The following SAMD12 variants were observed in gnomAD, a reference collection of about 807,000 sequenced individuals.
The protein encoded by SAMD12 is sterile alpha motif domain containing 12.
SAMD12 carries 9 observed loss-of-function variants against 15.0 expected under a neutral mutation model. The ratio of observed to expected loss-of-function variants is 0.60; its 90% CI spans 0.36 to 1.05. The LOEUF is 1.05. SAMD12 is among the 50% of genes least tolerant of loss of function. The pLI, the probability that SAMD12 is intolerant of heterozygous loss-of-function variation, is 0.01. For missense variants in SAMD12, 230 were observed against 234.2 expected (o/e 0.98, Z 0.12); for synonymous variants, 86 against 90.1 (o/e 0.96, Z 0.25).
At chr8:118,225,628 T>C (rs567281517) in intron 4 of SAMD12, among the ~76,000 whole-genome samples, 47 of 152,314 alleles carry the variant, frequency 3.1e-4, no homozygotes, top group South Asian at 8.3e-4. Flanking sequence ...CAAAAGAGCA[T>C]GTTAAGCGAT....
At chr8:118,143,285 A>G in the SAMD12 span, among the ~76,000 whole-genome samples, 1 of 152,206 alleles carries the variant, frequency 6.6e-6, no homozygotes, top group Non-Finnish European at 1.5e-5. Context: ...AATTAGTTAT[A>G]TAGGACCCCA....
At chr8:118,287,234 C>T (rs1357692176) in intron 4 of SAMD12, among the ~76,000 whole-genome samples, 1 of 151,624 alleles carries the variant, frequency 6.6e-6, no homozygotes, top group Non-Finnish European at 1.5e-5. Context: ...AGGCCATTCT[C>T]CTGCCTCAGC....
rs964435818 is a variant in SAMD12 at position 118,434,924 on chromosome 8, A to C, written c.322+4908T>G. Among the ~76,000 whole-genome samples, 14 of 43,526 alleles carry C rather than the reference A, an allele frequency of 3.2e-4. 4 individuals carry two copies. Among genetic ancestry groups the C allele is most frequent in the Non-Finnish European group, 5.5e-4 (9 of 16,288 alleles). 28.6% of individuals were successfully genotyped at this position (43,526 alleles called of 152,430 possible). On this transcript the variant is annotated intron_variant, in intron 3 of 3. Coordinates refer to ENST00000314727, the MANE Select transcript of SAMD12 (RefSeq NM_207506.3). ...GACCATCCCGGCTAAAAAAACGGTG[A>C]AACCCCGTCTCTACTAAAAATACAA...
At position 118,533,359 on chromosome 8, in the gene SAMD12, A is replaced by T. The variant is rs1202208149; in HGVS notation, c.192+47356T>A. Among the ~76,000 whole-genome samples the T allele has an allele frequency of 2.0e-5, 3 of 152,234 alleles. No individual in the cohort carries two copies. The South Asian group carries it at 6.2e-4, about 32-fold the overall frequency. ...TTTGCTGAGCAGTGCTTTACTTCCA[A>T]CTATGTGGTCAATTTTGGAATAAGT... On this transcript the variant is annotated intron_variant, in intron 2 of 3. Coordinates refer to ENST00000314727, the MANE Select transcript of SAMD12 (RefSeq NM_207506.3).
intron 4 of SAMD12, among the ~76,000 whole-genome samples, chr8:118,339,938 C>T (rs531003336): frequency 1.7e-4 from 26 of 152,222 alleles, no homozygotes; most frequent in Non-Finnish European, 3.2e-4. Context: ...GCGGCATGAC[C>T]GGCATTTAAT....
intron 3 of SAMD12, among the ~76,000 whole-genome samples, chr8:118,424,744 T>C (rs117779397): frequency 6.6e-6 from 1 of 152,278 alleles, no homozygotes; most frequent in Non-Finnish European, 1.5e-5. Flanking sequence ...CCTACATGTG[T>C]GGACTTCAGT....
intron 4 of SAMD12, among the ~76,000 whole-genome samples, chr8:118,333,204 AG>A (rs1342624702): frequency 4.6e-5 from 7 of 152,202 alleles, no homozygotes; most frequent in African/African-American, 1.7e-4. Context: ...TGTCTGCCAG[AG>A]GCTTGTTCCT....
rs145609886 is a variant in SAMD12, at chr8:118,485,419, T to C, written c.193-45458A>G. Among the ~76,000 whole-genome samples, 40 of 152,294 alleles carry C rather than the reference T, an allele frequency of 2.6e-4. No homozygotes were observed. In the East Asian group the frequency reaches 7.3e-3, roughly 28 times the overall value. On this transcript the variant is annotated intron_variant, in intron 2 of 3. Transcript: ENST00000314727. ...ACTGGATGGTGAGAGAAGGCAGAGATGATAAAGAAACAAGAACACAATTTT... is the reference window on the plus strand; with the variant it reads ...ACTGGATGGTGAGAGAAGGCAGAGACGATAAAGAAACAAGAACACAATTTT...
the SAMD12 span, among the ~76,000 whole-genome samples, chr8:118,151,550 C>T: frequency 7.2e-5 from 11 of 152,070 alleles, no homozygotes; most frequent in African/African-American, 2.2e-4. Context: ...AGTACCAGGC[C>T]GGGCGTGGTG....
chr8:118,343,619 T>C (rs1020872725), intron 4 of SAMD12, among the ~76,000 whole-genome samples: 2 of 152,226 alleles, frequency 1.3e-5, no homozygotes, highest in African/African-American at 4.8e-5. Context: ...AGTGCCTTTT[T>C]ACATTTTGTG....
Position 118,415,142 on chromosome 8 carries a change from C to T in SAMD12, c.322+24690G>A, listed in dbSNP as rs184199552. Among the ~76,000 whole-genome samples the T allele has an allele frequency of 2.9e-4, 44 of 152,228 alleles. No individual in the cohort carries two copies. The East Asian group carries it at 7.9e-3, about 27-fold the overall frequency. On this transcript the variant is annotated intron_variant, in intron 3 of 3. Coordinates refer to ENST00000314727, the MANE Select transcript of SAMD12 (RefSeq NM_207506.3). ...TACATTTAGCCTGTGTGAAAGCTCC[C>T]CCTAGAGGAGTTCAAAACAACTGCA... is the stretch of plus-strand genomic sequence containing the variant.
intron 2 of SAMD12, among the ~76,000 whole-genome samples, chr8:118,533,682 T>C (rs1015613200): frequency 1.2e-4 from 18 of 152,250 alleles, no homozygotes; most frequent in Admixed American, 6.5e-5. Flanking sequence ...TTGATCCCTT[T>C]ACCATGATGT....
chr8:118,201,634 G>A (rs977581123), intron 4 of SAMD12, among the ~76,000 whole-genome samples: 1 of 152,188 alleles, frequency 6.6e-6, no homozygotes, highest in African/African-American at 2.4e-5. Context: ...TGATGTTGGA[G>A]GAGAATCTTT....
At chr8:118,452,987 CTT>C (rs1214468683) in intron 2 of SAMD12, among the ~76,000 whole-genome samples, 3 of 152,302 alleles carry the variant, frequency 2.0e-5, no homozygotes, top group African/African-American at 4.8e-5. Flanking sequence ...GCTTCCTCCT[CTT>C]GTCTCTTCTT....
the SAMD12 span, among the ~76,000 whole-genome samples, chr8:118,141,855 C>T: frequency 1.3e-5 from 2 of 152,198 alleles, no homozygotes; most frequent in East Asian, 1.9e-4. Context: ...AGAAGAATAA[C>T]AGAGGGCTAG....
intron 4 of SAMD12, among the ~76,000 whole-genome samples, chr8:118,234,256 C>G (rs1421126329): frequency 6.6e-6 from 1 of 151,908 alleles, no homozygotes; most frequent in Non-Finnish European, 1.5e-5. Flanking sequence ...CCCTAAAAGG[C>G]CTTCCTTGAC....
At chr8:118,611,024 A>G (rs1326466762) in intron 1 of SAMD12, among the ~76,000 whole-genome samples, 2 of 152,152 alleles carry the variant, frequency 1.3e-5, no homozygotes, top group Admixed American at 1.3e-4. Flanking sequence ...AGGAATATGG[A>G]TGTTATCAAG....
intron 4 of SAMD12, among the ~76,000 whole-genome samples, chr8:118,291,715 C>A (rs959150886): frequency 2.6e-5 from 4 of 151,588 alleles, no homozygotes; most frequent in Non-Finnish European, 5.9e-5. Context: ...AAGAGAAAAG[C>A]TAGAGGAACA....
intron 2 of SAMD12, among the ~76,000 whole-genome samples, chr8:118,484,070 C>CTA (rs1824207717): frequency 6.6e-6 from 1 of 152,078 alleles, no homozygotes; most frequent in East Asian, 1.9e-4. Flanking sequence ...GTGATACATG[C>CTA]TATGAGGACA....
Sources: gnomAD v4.1 joint callset for allele counts (sites outside exome capture counted in the v4.1 genomes callset) on GRCh38, gnomAD v4.1.1 for gene constraint, MANE v1.5 for transcripts, NCBI Gene and HGNC (gene_info 2026-07-23, HGNC 2026-07-21) for gene names.